The following ZBTB20 variants were observed in gnomAD, a reference collection of about 807,000 sequenced individuals.
The protein encoded by ZBTB20 is zinc finger and BTB domain containing 20.
In ZBTB20, 9 loss-of-function variants were observed where a neutral mutation model predicts 56.9. The observed-to-expected ratio is 0.16, with a 90% CI of 0.10 to 0.28. The LOEUF (loss-of-function observed/expected upper bound fraction) is 0.28. Among genes scored for constraint, ZBTB20 ranks in the 10% least tolerant of loss-of-function variants. The probability of loss-of-function intolerance (pLI) is 1.00; values close to 1 mark genes in which losing one functional copy is unlikely to be tolerated. For missense variants in ZBTB20, 655 were observed against 1,003.0 expected (o/e 0.65, Z 4.69); for synonymous variants, 417 against 420.7 (o/e 0.99, Z 0.11).
chr3:114,329,974 C>T lies in ZBTB20; in HGVS notation c.*9031G>A, dbSNP rs1576194146. 6.6e-6 allele frequency: 1 copy of T among 152,138 alleles called. No homozygotes were observed. Among genetic ancestry groups the T allele is most frequent in the African/African-American group, 2.4e-5 (1 of 41,426 alleles). 9.4% of individuals were successfully genotyped at this position (152,138 alleles called of 1,614,324 possible). ...GTCAGATCATGTGGCACTTAAGTAG[C>T]CCCTTGGTCATATTTTTAAAAGCAA... is the stretch of plus-strand genomic sequence containing the variant. On this transcript the variant is annotated 3_prime_UTR_variant, in exon 12 of 12. Coordinates refer to ENST00000675478, the MANE Select transcript of ZBTB20 (RefSeq NM_001348800.3).
At chr3:114,549,897 C>CA (rs2050348100) in intron 6 of ZBTB20, among the ~76,000 whole-genome samples, 2 of 151,948 alleles carry the variant, frequency 1.3e-5, no homozygotes, top group Non-Finnish European at 2.9e-5. Context: ...TCTGTTTCCT[C>CA]AATTTTCCTT....
At chr3:114,862,007 A>T (rs1265465924) in intron 4 of ZBTB20, among the ~76,000 whole-genome samples, 3 of 152,156 alleles carry the variant, frequency 2.0e-5, no homozygotes, top group Non-Finnish European at 4.4e-5. Context: ...CATGATTCTT[A>T]TTTGTTTTTC....
chr3:115,146,266 T>G (rs2084966856), intron 1 of ZBTB20, among the ~76,000 whole-genome samples: 1 of 152,044 alleles, frequency 6.6e-6, no homozygotes, highest in Non-Finnish European at 1.5e-5. Flanking sequence ...AATGTTTAGT[T>G]TGTGTGTGTG....
intron 7 of ZBTB20, among the ~76,000 whole-genome samples, chr3:114,421,791 C>A (rs2089196885): frequency 7.0e-6 from 1 of 142,494 alleles, no homozygotes; most frequent in African/African-American, 2.6e-5. Context: ...ACATTAAAGT[C>A]ATTTTAAGAC....
intron 3 of ZBTB20, among the ~76,000 whole-genome samples, chr3:114,921,988 T>G (rs778810184): frequency 6.6e-6 from 1 of 151,974 alleles, no homozygotes; most frequent in Non-Finnish European, 1.5e-5. Flanking sequence ...AACAGCACAT[T>G]AAAAGGATCA....
intron 7 of ZBTB20, among the ~76,000 whole-genome samples, chr3:114,471,083 C>A (rs1457633422): frequency 6.6e-6 from 1 of 152,102 alleles, no homozygotes; most frequent in African/African-American, 2.4e-5. Flanking sequence ...CTGAAAAGGT[C>A]ACATCCAGGA....
At chr3:115,129,420 C>T (rs2084436317) in intron 1 of ZBTB20, among the ~76,000 whole-genome samples, 1 of 152,100 alleles carries the variant, frequency 6.6e-6, no homozygotes, top group South Asian at 2.1e-4. Flanking sequence ...TATAAAAGAA[C>T]GTCTAAGTTT....
intron 6 of ZBTB20, among the ~76,000 whole-genome samples, chr3:114,603,765 G>A (rs769262457): frequency 6.6e-6 from 1 of 151,594 alleles, no homozygotes; most frequent in Non-Finnish European, 1.5e-5. Context: ...AAAAATAAAC[G>A]CTAATGACAT....
rs957946700 is a variant in ZBTB20, at chr3:114,639,517, C to T, written c.-295+54011G>A. 5.3e-5 allele frequency among the ~76,000 whole-genome samples: 8 copies of T among 151,196 alleles called. No homozygotes were observed. In the East Asian group the frequency reaches 9.7e-4, roughly 18 times the overall value. On this transcript the variant is annotated intron_variant, in intron 6 of 11. Transcript: ENST00000675478. Reference sequence around the variant, plus strand: ...AGATTTTTTTTTACCACTTCCAGCCCGTAACTTGTTGCTCAGAAGGGAAAC... The same window carrying T: ...AGATTTTTTTTTACCACTTCCAGCCTGTAACTTGTTGCTCAGAAGGGAAAC...
chr3:114,664,254 C>T (rs1298834351), intron 6 of ZBTB20, among the ~76,000 whole-genome samples: 3 of 151,986 alleles, frequency 2.0e-5, no homozygotes, highest in African/African-American at 7.3e-5. Context: ...AAAGCAAAAT[C>T]ATTACTTATG....
chr3:114,356,954 A>G (rs944833588), intron 10 of ZBTB20, among the ~76,000 whole-genome samples: 2 of 152,124 alleles, frequency 1.3e-5, no homozygotes, highest in Non-Finnish European at 2.9e-5. Flanking sequence ...GAAATCACAC[A>G]TGCAAGTGGA....
chr3:114,787,034 G>T lies in ZBTB20; in HGVS notation c.-343+14067C>A, dbSNP rs1285055101. On this transcript the variant is annotated intron_variant, in intron 5 of 11. Coordinates refer to ENST00000675478, the MANE Select transcript of ZBTB20 (RefSeq NM_001348800.3). Reference sequence around the variant, plus strand: ...CTCACTCTATTGCCCAGACTAAAGTGCATGATCATGGTTCACTGCAGTCTC... The same window carrying T: ...CTCACTCTATTGCCCAGACTAAAGTTCATGATCATGGTTCACTGCAGTCTC... Among the ~76,000 whole-genome samples the T allele has an allele frequency of 2.0e-5, 3 of 151,946 alleles. No individual in the cohort carries two copies. The East Asian group carries it at 5.8e-4, about 29-fold the overall frequency.
intron 4 of ZBTB20, among the ~76,000 whole-genome samples, chr3:114,863,353 C>A (rs1280024848): frequency 6.6e-6 from 1 of 152,070 alleles, no homozygotes; most frequent in African/African-American, 2.4e-5. Context: ...TATACAAACA[C>A]AATCTGAAGC....
intron 6 of ZBTB20, among the ~76,000 whole-genome samples, chr3:114,585,459 C>T (rs1339289333): frequency 6.6e-6 from 1 of 152,202 alleles, no homozygotes; most frequent in Non-Finnish European, 1.5e-5. Flanking sequence ...TTCTATAAAG[C>T]ATACACAGCC....
chr3:114,435,867 T>A (rs1268663665), intron 7 of ZBTB20, among the ~76,000 whole-genome samples: 2 of 152,144 alleles, frequency 1.3e-5, no homozygotes, highest in Non-Finnish European at 2.9e-5. Context: ...TGCCAGAAAC[T>A]CATCTGAAAA....
chr3:114,705,617 C>T (rs1321505259), intron 5 of ZBTB20, among the ~76,000 whole-genome samples: 1 of 152,106 alleles, frequency 6.6e-6, no homozygotes, highest in Non-Finnish European at 1.5e-5. Context: ...AACAACAAAC[C>T]CAGTATCAAA....
chr3:114,376,112 A>T (rs956257391), intron 10 of ZBTB20, among the ~76,000 whole-genome samples: 2 of 152,238 alleles, frequency 1.3e-5, no homozygotes, highest in Non-Finnish European at 2.9e-5. Context: ...AGCAACTTTA[A>T]TTCTGTCCGT....
At chr3:114,877,675 CG>C (rs2076248989) in intron 4 of ZBTB20, among the ~76,000 whole-genome samples, 1 of 152,120 alleles carries the variant, frequency 6.6e-6, no homozygotes, top group African/African-American at 2.4e-5. Flanking sequence ...GTCAGGAAGA[CG>C]TAAGTCTTTT....
At chr3:115,003,437 T>C (rs2079337345) in intron 2 of ZBTB20, among the ~76,000 whole-genome samples, 1 of 150,900 alleles carries the variant, frequency 6.6e-6, no homozygotes, top group African/African-American at 2.4e-5. Flanking sequence ...TTTTTGTTTG[T>C]TTGTTTTTTG....
Sources: gnomAD v4.1 joint callset for allele counts (sites outside exome capture counted in the v4.1 genomes callset) on GRCh38, gnomAD v4.1.1 for gene constraint, MANE v1.5 for transcripts, NCBI Gene and HGNC (gene_info 2026-07-23, HGNC 2026-07-21) for gene names.